Variants in RELN observed in about 807,000 individuals in gnomAD.
RELN encodes reelin.
In RELN, 108 loss-of-function variants were observed where a neutral mutation model predicts 427.6. The observed-to-expected ratio is 0.25, with a 90% CI of 0.22 to 0.30. RELN has a LOEUF of 0.30. Ranked by LOEUF, RELN falls within the 10% of genes least tolerant of loss-of-function variation. RELN has a pLI of 1.00. For missense variants in RELN, 3,715 were observed against 4,302.8 expected (o/e 0.86, Z 3.82); for synonymous variants, 1,524 against 1,513.4 (o/e 1.01, Z -0.16).
At chr7:103,740,043 G>T (rs1790602391) in intron 6 of RELN, among the ~76,000 whole-genome samples, 1 of 152,116 alleles carries the variant, frequency 6.6e-6, no homozygotes, top group Non-Finnish European at 1.5e-5. Flanking sequence ...GATATCTGCA[G>T]GAACAGATAG....
chr7:103,889,340 A>G (rs6980344), intron 2 of RELN, among the ~76,000 whole-genome samples: 101,248 of 152,062 alleles, frequency 0.67, 33,802 homozygotes, highest in East Asian at 0.86. Flanking sequence ...TCTACCCATT[A>G]AGAGCACTGA....
chr7:103,901,581 A>C (rs3898844), intron 2 of RELN, among the ~76,000 whole-genome samples: 65,352 of 151,872 alleles, frequency 0.43, 14,511 homozygotes, highest in East Asian at 0.75. Context: ...AATAAGAATA[A>C]AGTACTAACA....
At chr7:103,843,932 C>T (rs528861651) in intron 2 of RELN, among the ~76,000 whole-genome samples, 10 of 152,310 alleles carry the variant, frequency 6.6e-5, no homozygotes, top group African/African-American at 2.2e-4. Context: ...TTAACAGCTG[C>T]ATGGTGGTAG....
At chr7:103,698,161 T>G in intron 9 of RELN, 68 bp from the exon 10 acceptor site, 1 of 1,592,768 alleles carries the variant, frequency 6.3e-7, no homozygotes, top group Non-Finnish European at 8.6e-7. Context: ...TGAATTTTGT[T>G]TCTTAAGGTT....
rs192835206 is a variant in RELN, at chr7:103,503,094, A to G, written c.8411T>C (p.Val2804Ala). The G allele has an allele frequency of 6.2e-7, 1 of 1,614,156 alleles. No homozygotes were observed. Among genetic ancestry groups the G allele is most frequent in the Admixed American group, 1.7e-5 (1 of 60,022 alleles). The change falls in exon 52 of 65, where the codon GTT becomes GCT. Residue 2804 changes from valine to alanine, a missense_variant. By Grantham distance (64) the Val-to-Ala change is moderately conservative (BLOSUM62 0). Transcript: ENST00000428762. ...TGGAAAGAATACAGATGGCTGAGAAACACTTCCAGAGCATTTTGGGTCAGC... is the reference window on the plus strand; with the variant it reads ...TGGAAAGAATACAGATGGCTGAGAAGCACTTCCAGAGCATTTTGGGTCAGC... ...LPADPKCSGSVSQPSVFFPTK... is the reference protein window; with the variant it reads ...LPADPKCSGSASQPSVFFPTK...
intron 3 of RELN, among the ~76,000 whole-genome samples, chr7:103,787,547 G>T (rs537235275): frequency 3.9e-5 from 6 of 151,932 alleles, no homozygotes; most frequent in African/African-American, 1.2e-4. Flanking sequence ...CAGAGAATAT[G>T]ATTAACACCT....
chr7:103,839,555 G>A (rs1042544793), intron 2 of RELN, among the ~76,000 whole-genome samples: 2 of 151,912 alleles, frequency 1.3e-5, no homozygotes, highest in Non-Finnish European at 2.9e-5. Flanking sequence ...GACTTGAGCT[G>A]GGAAGAGAAA....
In RELN at chr7:103,950,968, G is replaced by A. The variant is rs369472143; in HGVS notation, c.227-33783C>T. Among the ~76,000 whole-genome samples the A allele has an allele frequency of 8.6e-5, 13 of 152,040 alleles. 1 individual carries two copies. Among genetic ancestry groups the A allele is most frequent in the East Asian group, 5.8e-4 (3 of 5,180 alleles). ...GTTTGAGACAGAGTCTCGCTCTGTC[G>A]CCCAGGCTGGAGTGCAGTGGCATGA... On this transcript the variant is annotated intron_variant, in intron 1 of 64. Transcript: ENST00000428762.
chr7:103,792,323 C>T (rs554834603), intron 3 of RELN, among the ~76,000 whole-genome samples: 59 of 152,256 alleles, frequency 3.9e-4, no homozygotes, highest in African/African-American at 1.2e-3. Context: ...ACCTAAATGT[C>T]TGTCCACAGA....
chr7:103,661,281 T>C, intron 12 of RELN, 95 bp downstream of exon 12: 1 of 1,327,716 alleles, frequency 7.5e-7, no homozygotes, highest in Non-Finnish European at 1.1e-6. Flanking sequence ...ATTTTCATTT[T>C]ACGTAGTTGA....
rs201264902 is a variant in RELN, at chr7:103,515,236, C to T, written c.8068G>A (p.Gly2690Ser). The change falls in exon 50 of 65, where the codon GGC (glycine) becomes AGC (serine). Residue 2690 changes from glycine (G) to serine (S), a missense_variant. Gly to Ser is a moderately conservative substitution (Grantham distance 56). Around this residue, in one of 4 missense-constraint regions of RELN, gnomAD observed 1,310 missense variants for 1,643.0 expected, o/e 0.80. Transcript: ENST00000428762. ...TCAAAGGCGATCCTCCCGACAGGGC[C>T]GGCATCTGCAGGGGAGCGCTCATGC... ...PQHERSPADA[G>S]PVGRIAFDMF... 6.4e-5 allele frequency: 104 copies of T among 1,614,056 alleles called. No individual in the cohort carries two copies. Among genetic ancestry groups the T allele is most frequent in the Middle Eastern group, 1.6e-4 (1 of 6,084 alleles).
At chr7:103,815,521 C>G (rs1012569320) in intron 3 of RELN, among the ~76,000 whole-genome samples, 1 of 152,134 alleles carries the variant, frequency 6.6e-6, no homozygotes, top group Non-Finnish European at 1.5e-5. Context: ...AATTTCAACA[C>G]TTGATTTGCC....
chr7:103,966,607 T>C (rs1563115859), intron 1 of RELN, among the ~76,000 whole-genome samples: 1 of 152,332 alleles, frequency 6.6e-6, no homozygotes, highest in East Asian at 1.9e-4. Flanking sequence ...AATAATCTAT[T>C]GTGATTCAGT....
intron 48 of RELN, among the ~76,000 whole-genome samples, chr7:103,521,155 A>G (rs1444195233): frequency 7.0e-6 from 1 of 143,306 alleles, no homozygotes; most frequent in Non-Finnish European, 1.5e-5. Context: ...TTTTTTTTGT[A>G]TTTTTAGTAG....
At chr7:103,738,436 C>T (rs1790549099) in intron 6 of RELN, among the ~76,000 whole-genome samples, 1 of 151,804 alleles carries the variant, frequency 6.6e-6, no homozygotes, top group Non-Finnish European at 1.5e-5. Flanking sequence ...GAAATTTACA[C>T]ACAATGAGAT....
chr7:103,909,675 AATATATTTAATAAAT>A (rs1795298861), intron 2 of RELN, among the ~76,000 whole-genome samples: 1 of 78,862 alleles, frequency 1.3e-5, no homozygotes, highest in African/African-American at 6.3e-5. Flanking sequence ...ATATATATTA[AATATATTTAATAAAT>A]ATATATATTT....
rs574390796 is a variant in RELN, at chr7:103,748,899, C to A, written c.656+527G>T. On this transcript the variant is annotated intron_variant, in intron 6 of 64. Coordinates refer to ENST00000428762, the MANE Select transcript of RELN (RefSeq NM_005045.4). The stretch of plus-strand genomic sequence containing the variant: ...AGTCAGCAAAAATGCAACAGATTGC[C>A]AACAAATTCATGCATCCATTTATGT... Among the ~76,000 whole-genome samples, 6 of 152,194 alleles carry A rather than the reference C, an allele frequency of 3.9e-5. No homozygotes were observed. In the South Asian group the frequency reaches 1.2e-3, roughly 32 times the overall value.
chr7:103,643,602 T>C (rs903434104), intron 16 of RELN, among the ~76,000 whole-genome samples: 1 of 151,936 alleles, frequency 6.6e-6, no homozygotes, highest in African/African-American at 2.4e-5. Context: ...ATTGTGCACA[T>C]GTACCCTAAA....
chr7:103,639,162 T>C (rs1832645234), intron 17 of RELN, among the ~76,000 whole-genome samples: 1 of 152,068 alleles, frequency 6.6e-6, no homozygotes, highest in African/African-American at 2.4e-5. Context: ...TACTGACCAG[T>C]GTTTTGGAAT....
Sources: gnomAD v4.1 joint callset for allele counts (sites outside exome capture counted in the v4.1 genomes callset) on GRCh38, gnomAD v4.1.1 for gene constraint, gnomAD v4.1.1 regional missense constraint, MANE v1.5 for transcripts, NCBI Gene and HGNC (gene_info 2026-07-23, HGNC 2026-07-21) for gene names.